Variants in MIER1 observed in about 807,000 individuals in gnomAD.
MIER1 encodes MIER1 transcriptional regulator.
MIER1 carries 40 observed loss-of-function variants against 75.7 expected under a neutral mutation model. The ratio of observed to expected loss-of-function variants is 0.53; its 90% CI spans 0.41 to 0.69. MIER1 has a LOEUF of 0.69. Among genes scored for constraint, MIER1 ranks in the 30% least tolerant of loss-of-function variants. The pLI is 0.00. For synonymous variants in MIER1, 213 were observed against 223.4 expected (o/e 0.95, Z 0.42); for missense variants, 574 against 680.2 (o/e 0.84, Z 1.74).
intron 2 of MIER1, among the ~76,000 whole-genome samples, chr1:66,927,751 G>A (rs1402002744): frequency 2.0e-5 from 3 of 152,060 alleles, no homozygotes. Flanking sequence ...ATGAGATATA[G>A]TGAGTCACTG....
chr1:66,947,357 G>C (rs1434737401), intron 4 of MIER1: 2 of 152,020 alleles, frequency 1.3e-5, no homozygotes, highest in Non-Finnish European at 2.9e-5. Context: ...AATTATAAAT[G>C]TCCAAAACAG....
In MIER1 at chr1:66,963,124, C is replaced by G. The variant is rs1434996808; in HGVS notation, c.736C>G (p.Pro246Ala). Residue 246 changes from proline to alanine, a missense_variant, in exon 8 of 14, where the codon CCA becomes GCA. This residue lies in a region of MIER1 where 309 missense variants were observed against 352.8 expected (regional missense o/e 0.88). Transcript: ENST00000401041. ...MVGSMFQAEIPVGICRYKENE... is the reference protein window; with the variant it reads ...MVGSMFQAEIAVGICRYKENE... ...GGGCTCCATGTTTCAAGCAGAAATTCCAGTTGGCATTTGTAGATACAAAGA... is the reference window on the plus strand; with the variant it reads ...GGGCTCCATGTTTCAAGCAGAAATTGCAGTTGGCATTTGTAGATACAAAGA... 6.2e-7 allele frequency: 1 copy of G among 1,611,912 alleles called. No individual in the cohort carries two copies. Among genetic ancestry groups the G allele is most frequent in the East Asian group, 2.2e-5 (1 of 44,726 alleles).
At chr1:66,977,769 G>A (rs963780904) in intron 12 of MIER1, among the ~76,000 whole-genome samples, 1 of 151,896 alleles carries the variant, frequency 6.6e-6, no homozygotes, top group African/African-American at 2.4e-5. Flanking sequence ...ACTTTACAGT[G>A]CTATCCTTAA....
chr1:66,985,985 C>A lies in MIER1; in HGVS notation c.*1085C>A, dbSNP rs1666733208. The A allele has an allele frequency of 5.1e-6, 5 of 986,544 alleles. No homozygotes were observed. The South Asian group carries it at 1.9e-4, about 37-fold the overall frequency. The allele number at this position is 986,544 out of a possible 1,614,324, so 61.1% of individuals were successfully genotyped here. A position where few individuals can be genotyped will look rare whatever the true frequency, so the allele number is the denominator to read the frequency against. ...TGTCAGCTTAAGTGCTTAAATATAT[C>A]ATGCTGACCAGAATCCTGTTATTTT... is the stretch of plus-strand genomic sequence containing the variant. On this transcript the variant is annotated 3_prime_UTR_variant, in exon 14 of 14. Transcript: ENST00000401041.
At chr1:66,976,259 C>T (rs1418376113) in intron 11 of MIER1, among the ~76,000 whole-genome samples, 1 of 152,194 alleles carries the variant, frequency 6.6e-6, no homozygotes, top group African/African-American at 2.4e-5. Context: ...CCCTTGGCCT[C>T]CCAAAGTGCT....
chr1:66,969,093 G>C (rs1663022386), intron 8 of MIER1, among the ~76,000 whole-genome samples: 1 of 152,136 alleles, frequency 6.6e-6, no homozygotes, highest in Non-Finnish European at 1.5e-5. Flanking sequence ...AACTAGGATT[G>C]TACCAGCAGA....
At chr1:66,948,651 A>G (rs997508699) in intron 4 of MIER1, among the ~76,000 whole-genome samples, 7 of 152,370 alleles carry the variant, frequency 4.6e-5, no homozygotes, top group African/African-American at 1.4e-4. Flanking sequence ...TCAGTACTTC[A>G]GAAGGCCAAG....
At chr1:66,925,496 C>T in intron 1 of MIER1, 1 of 985,468 alleles carries the variant, frequency 1.0e-6, no homozygotes, top group South Asian at 4.7e-5. Flanking sequence ...ACTTGTGTCC[C>T]ATCCCCGGGA....
At chr1:66,956,930 A>G (rs943135937) in intron 4 of MIER1, among the ~76,000 whole-genome samples, 1 of 152,202 alleles carries the variant, frequency 6.6e-6, no homozygotes, top group Non-Finnish European at 1.5e-5. Context: ...ATTTACCCAT[A>G]TCCATTGTAG....
At chr1:66,940,396 T>C (rs1348860365) in intron 3 of MIER1, among the ~76,000 whole-genome samples, 1 of 151,846 alleles carries the variant, frequency 6.6e-6, no homozygotes, top group Non-Finnish European at 1.5e-5. Context: ...TAGAAATATT[T>C]GCTTGTGTAG....
At chr1:66,940,835 C>G (rs771547438) in intron 3 of MIER1, among the ~76,000 whole-genome samples, 1 of 152,142 alleles carries the variant, frequency 6.6e-6, no homozygotes, top group African/African-American at 2.4e-5. Context: ...AAGTACTAGT[C>G]TTTTATCCTC....
chr1:66,945,828 G>GC (rs1261204129), intron 3 of MIER1, among the ~76,000 whole-genome samples: 1 of 152,156 alleles, frequency 6.6e-6, no homozygotes, highest in Non-Finnish European at 1.5e-5. Context: ...CTGGGACAGA[G>GC]CGAGACCCTG....
rs1008166268 is a variant in MIER1 at position 66,987,717 on chromosome 1, A to T, written c.*2817A>T. 1 of 152,422 alleles carries T rather than the reference A, an allele frequency of 6.6e-6. No homozygotes were observed. Among genetic ancestry groups the T allele is most frequent in the Non-Finnish European group, 1.5e-5 (1 of 67,986 alleles). The allele number at this position is 152,422 out of a possible 1,614,324, so 9.4% of individuals were successfully genotyped here. On this transcript the variant is annotated 3_prime_UTR_variant, in exon 14 of 14. Transcript: ENST00000401041. The stretch of plus-strand genomic sequence containing the variant: ...ATTTTCATTAGATTAATTCACTAAG[A>T]TTTTATTAGAGATTGTTTGAATGAT...
Position 66,986,579 on chromosome 1 carries a change from T to C in MIER1, c.*1679T>C. 1.1e-6 allele frequency: 1 copy of C among 900,428 alleles called. No individual in the cohort carries two copies. Among genetic ancestry groups the C allele is most frequent in the South Asian group, 1.5e-5 (1 of 67,276 alleles). 55.8% of individuals were successfully genotyped at this position (900,428 alleles called of 1,614,324 possible). A position where few individuals can be genotyped will look rare whatever the true frequency, so the allele number is the denominator to read the frequency against. On this transcript the variant is annotated 3_prime_UTR_variant, in exon 14 of 14. Transcript: ENST00000401041. ...GCCTTACCCCCATGAAGTATTACTG[T>C]TAACATATGTTCGGACTGCTTCCCT...
chr1:66,957,884 T>A (rs1262392332), intron 4 of MIER1, among the ~76,000 whole-genome samples, 175 bp from the exon 5 acceptor site: 2 of 152,200 alleles, frequency 1.3e-5, no homozygotes, highest in Non-Finnish European at 2.9e-5. Context: ...CTTAAAAGAT[T>A]GGGATATTCC....
intron 8 of MIER1, among the ~76,000 whole-genome samples, chr1:66,968,753 T>A (rs1558091555): frequency 6.6e-6 from 1 of 152,238 alleles, no homozygotes; most frequent in Admixed American, 6.5e-5. Context: ...GAGCTACCCT[T>A]AACTTTTTCC....
intron 2 of MIER1, chr1:66,930,339 G>T: frequency 6.2e-7 from 1 of 1,604,890 alleles, no homozygotes; most frequent in Non-Finnish European, 8.5e-7. Context: ...CCGGGTTCTG[G>T]CCGTGACCCA....
intron 7 of MIER1, among the ~76,000 whole-genome samples, chr1:66,961,021 A>G (rs1661147677): frequency 6.6e-6 from 1 of 152,182 alleles, no homozygotes; most frequent in Non-Finnish European, 1.5e-5. Context: ...TGAAAGAACA[A>G]AAGCTCAGAG....
chr1:66,955,795 G>T (rs553472330), intron 4 of MIER1, among the ~76,000 whole-genome samples: 94 of 152,232 alleles, frequency 6.2e-4, no homozygotes, highest in African/African-American at 2.1e-3. Context: ...AGTGACTTCA[G>T]TGGCTTTTAT....
Sources: gnomAD v4.1 joint callset for allele counts (sites outside exome capture counted in the v4.1 genomes callset) on GRCh38, gnomAD v4.1.1 for gene constraint, gnomAD v4.1.1 regional missense constraint, MANE v1.5 for transcripts, NCBI Gene and HGNC (gene_info 2026-07-23, HGNC 2026-07-21) for gene names.